WDR12: variants seen among roughly 807,000 people sequenced by gnomAD.
The protein encoded by WDR12 is WD repeat domain 12.
Under a neutral mutation model 64.3 loss-of-function variants are expected in WDR12, and 42 were observed. The observed-to-expected ratio is 0.65, with a 90% CI of 0.51 to 0.84. The LOEUF is 0.84. WDR12 is among the 40% of genes least tolerant of loss of function. The pLI is 0.00. For synonymous variants in WDR12, 158 were observed against 173.3 expected (o/e 0.91, Z 0.70); for missense variants, 469 against 494.6 (o/e 0.95, Z 0.49).
chr2:202,903,488 G>T lies in WDR12; in HGVS notation c.137-2369C>A, dbSNP rs1256690669. On this transcript the variant is annotated intron_variant, in intron 2 of 12. Coordinates refer to ENST00000261015, the MANE Select transcript of WDR12 (RefSeq NM_018256.4). ...GGAAGGAAGGAAGGAAGGAAGGAAG[G>T]AAGGAAGGAAGGAAGTGAGGGAGGG... Among the ~76,000 whole-genome samples, 11 of 96,670 alleles carry T rather than the reference G, an allele frequency of 1.1e-4. No individual in the cohort carries two copies. In the East Asian group the frequency reaches 2.7e-3, roughly 24 times the overall value. The allele number at this position is 96,670 out of a possible 152,430, so 63.4% of individuals were successfully genotyped here.
intron 12 of WDR12, among the ~76,000 whole-genome samples, 161 bp downstream of exon 12, chr2:202,882,550 G>A (rs551162291): frequency 1.9e-3 from 290 of 152,126 alleles, no homozygotes; most frequent in Middle Eastern, 3.4e-3. Context: ...GGATGGCCTC[G>A]ATCTCCTGAC....
chr2:202,892,369 T>C (rs1252184055), intron 8 of WDR12, among the ~76,000 whole-genome samples: 1 of 152,138 alleles, frequency 6.6e-6, no homozygotes, highest in African/African-American at 2.4e-5. Context: ...TCAAACATAA[T>C]AACTAAATCA....
In WDR12 at chr2:202,911,540, T is replaced by A; in HGVS notation, c.-64A>T. ...GGTTAGCAGACCCACAACACGAAGC[T>A]CCTGCCTTTTAAGACTACAAAGAGG... On this transcript the variant is annotated 5_prime_UTR_variant, in exon 1 of 13. Transcript: ENST00000261015. The A allele has an allele frequency of 6.7e-7, 1 of 1,501,816 alleles. No homozygotes were observed. The highest frequency in any genetic ancestry group is 9.3e-7 in the Non-Finnish European group (1 of 1,077,790). 93.0% of individuals were successfully genotyped at this position (1,501,816 alleles called of 1,614,324 possible). A position where few individuals can be genotyped will look rare whatever the true frequency, so the allele number is the denominator to read the frequency against.
intron 8 of WDR12, among the ~76,000 whole-genome samples, chr2:202,884,900 A>T (rs1472289540): frequency 6.6e-6 from 1 of 152,208 alleles, no homozygotes; most frequent in Non-Finnish European, 1.5e-5. Context: ...TGTTATATTA[A>T]AGATTAGTGC....
At chr2:202,885,494 A>G (rs950576061) in intron 8 of WDR12, among the ~76,000 whole-genome samples, 1 of 152,222 alleles carries the variant, frequency 6.6e-6, no homozygotes, top group African/African-American at 2.4e-5. Flanking sequence ...CAGTTAACAC[A>G]AAAACCTTTG....
chr2:202,877,789 G>A lies in WDR12; in HGVS notation c.*3071C>T, dbSNP rs981308343. On this transcript the variant is annotated 3_prime_UTR_variant, in exon 13 of 13. Coordinates refer to ENST00000261015, the MANE Select transcript of WDR12 (RefSeq NM_018256.4). ...CAGGTTCTGAGCACTGCATTGTCAG[G>A]TTCCTAGCTTTTCCCCAACCACGGG... 1 of 152,196 alleles carries A rather than the reference G, an allele frequency of 6.6e-6. No individual in the cohort carries two copies. Among genetic ancestry groups the A allele is most frequent in the Non-Finnish European group, 1.5e-5 (1 of 68,068 alleles). The allele number at this position is 152,196 out of a possible 1,614,324, so 9.4% of individuals were successfully genotyped here. A position where few individuals can be genotyped will look rare whatever the true frequency, so the allele number is the denominator to read the frequency against.
intron 8 of WDR12, among the ~76,000 whole-genome samples, chr2:202,885,587 CAGTA>C (rs1688030673): frequency 6.6e-6 from 1 of 152,206 alleles, no homozygotes. Flanking sequence ...AAATTAATCT[CAGTA>C]AGTTATTCTT....
intron 12 of WDR12, among the ~76,000 whole-genome samples, chr2:202,881,807 C>T (rs542692826): frequency 8.6e-5 from 13 of 151,778 alleles, no homozygotes; most frequent in Non-Finnish European, 1.5e-4. Flanking sequence ...GAGTCACGAC[C>T]GCACCACTAA....
In WDR12 at chr2:202,883,484, CAT is replaced by C. The variant is rs1039331862; in HGVS notation, c.1121+123_1121+124del. 1.7e-5 allele frequency: 20 copies of C among 1,203,788 alleles called. No individual in the cohort carries two copies. In the African/African-American group the frequency reaches 2.5e-4, roughly 15 times the overall value. The allele number at this position is 1,203,788 out of a possible 1,614,324, so 74.6% of individuals were successfully genotyped here. On this transcript the variant is annotated intron_variant, in intron 11 of 12. Coordinates refer to ENST00000261015, the MANE Select transcript of WDR12 (RefSeq NM_018256.4). ...TTCTTTTGCATATCAGTATTTGTCA[CAT>C]GAGGTTGCAAAACCATGAGGCTTTT... is the stretch of plus-strand genomic sequence containing the variant.
intron 1 of WDR12, among the ~76,000 whole-genome samples, chr2:202,910,213 A>T (rs1285637086): frequency 6.6e-6 from 1 of 152,080 alleles, no homozygotes; most frequent in East Asian, 1.9e-4. Flanking sequence ...ATCTCTTACA[A>T]CTTCATGTGA....
rs541803732 is a variant in WDR12 at position 202,889,217 on chromosome 2, C to T, written c.741+3400G>A. ...TCTCAAACGAAATGAACTATGGGAG[C>T]AAGCTTACGAAAGTATGCACCTAGA... On this transcript the variant is annotated intron_variant, in intron 8 of 12. Transcript: ENST00000261015. Among the ~76,000 whole-genome samples, 4 of 152,198 alleles carry T rather than the reference C, an allele frequency of 2.6e-5. No homozygotes were observed. In the East Asian group the frequency reaches 5.8e-4, roughly 22 times the overall value.
intron 12 of WDR12, 149 bp from the exon 13 acceptor site, chr2:202,881,086 C>A: frequency 1.8e-6 from 1 of 558,448 alleles, no homozygotes; most frequent in Non-Finnish European, 3.0e-6. Context: ...GTAAAGGGAC[C>A]AACGTTGTTT....
chr2:202,892,974 ATATT>A (rs1297900783), intron 7 of WDR12, among the ~76,000 whole-genome samples: 32 of 152,150 alleles, frequency 2.1e-4, no homozygotes, highest in Admixed American at 7.2e-4. Flanking sequence ...ATCATTATAA[ATATT>A]TATCATTTTA....
rs920003086 is a variant in WDR12, at chr2:202,911,636, C to G, written c.-160G>C. The G allele has an allele frequency of 1.5e-6, 1 of 686,830 alleles. No homozygotes were observed. Among genetic ancestry groups the G allele is most frequent in the East Asian group, 2.7e-5 (1 of 36,960 alleles). The allele number at this position is 686,830 out of a possible 1,614,324, so 42.5% of individuals were successfully genotyped here. ...AGCCTGGACTCTGCCTTCTGCCCTC[C>G]GGTCTCCTCTGCAGAAAGCACGAGG... On this transcript the variant is annotated 5_prime_UTR_variant, in exon 1 of 13. Coordinates refer to ENST00000261015, the MANE Select transcript of WDR12 (RefSeq NM_018256.4).
intron 6 of WDR12, among the ~76,000 whole-genome samples, chr2:202,895,803 T>C (rs1289332529): frequency 6.6e-6 from 1 of 151,860 alleles, no homozygotes; most frequent in East Asian, 1.9e-4. Flanking sequence ...GTGCTGGGAT[T>C]ACAGGCGTGA....
intron 5 of WDR12, among the ~76,000 whole-genome samples, chr2:202,896,799 C>T (rs1393722608): frequency 1.3e-5 from 2 of 151,982 alleles, no homozygotes; most frequent in Non-Finnish European, 2.9e-5. Context: ...TCAGCCTGGC[C>T]AAGATGGTGA....
In WDR12 at chr2:202,875,425, G is replaced by A. The variant is rs1393156059; in HGVS notation, c.*5435C>T. On this transcript the variant is annotated 3_prime_UTR_variant, in exon 13 of 13. Transcript: ENST00000261015. ...TTTTTTGAGACGGAGTTTCGCTCTT[G>A]TTGCCCAGGATGGAGTGCAATGGCG... 8.6e-6 allele frequency: 1 copy of A among 116,402 alleles called. No individual in the cohort carries two copies. Among genetic ancestry groups the A allele is most frequent in the East Asian group, 2.6e-4 (1 of 3,790 alleles). 7.2% of individuals were successfully genotyped at this position (116,402 alleles called of 1,614,324 possible).
chr2:202,877,459 G>A lies in WDR12; in HGVS notation c.*3401C>T, dbSNP rs980976581. ...GCCCAGGAGTTCAAGACCAGCATGG[G>A]CTACATGGCGAAACCCTCTCTCTAC... On this transcript the variant is annotated 3_prime_UTR_variant, in exon 13 of 13. Coordinates refer to ENST00000261015, the MANE Select transcript of WDR12 (RefSeq NM_018256.4). 4 of 151,938 alleles carry A rather than the reference G, an allele frequency of 2.6e-5. No homozygotes were observed. Among genetic ancestry groups the A allele is most frequent in the Non-Finnish European group, 5.9e-5 (4 of 68,020 alleles). The allele number at this position is 151,938 out of a possible 1,614,324, so 9.4% of individuals were successfully genotyped here. A position where few individuals can be genotyped will look rare whatever the true frequency, so the allele number is the denominator to read the frequency against.
At chr2:202,903,524 G>A (rs899790738) in intron 2 of WDR12, among the ~76,000 whole-genome samples, 3 of 150,734 alleles carry the variant, frequency 2.0e-5, no homozygotes, top group African/African-American at 4.9e-5. Context: ...AGGGAGGGAG[G>A]GAGGAAGGGC....
Sources: allele counts gnomAD v4.1 joint callset (sites outside exome capture counted in the v4.1 genomes callset), GRCh38; gene constraint gnomAD v4.1.1; transcripts MANE v1.5; gene names NCBI Gene and HGNC (gene_info 2026-07-23, HGNC 2026-07-21).